The following FAM13A variants were observed in gnomAD, a reference collection of about 807,000 sequenced individuals.
The protein encoded by FAM13A is family with sequence similarity 13 member A.
In FAM13A, 76 loss-of-function variants were observed where a neutral mutation model predicts 129.6. That is an observed-to-expected ratio of 0.59 (90% CI 0.49 to 0.71). FAM13A has a LOEUF of 0.71. FAM13A is among the 30% of genes least tolerant of loss of function. The pLI is 0.00. For missense variants in FAM13A, 1,108 were observed against 1,249.3 expected, an observed-to-expected ratio of 0.89 and a Z score of 1.70; for synonymous variants, 443 against 449.9, an observed-to-expected ratio of 0.98 and a Z score of 0.20.
At chr4:88,737,021 A>G (rs556940685) in intron 21 of FAM13A, among the ~76,000 whole-genome samples, 31 of 152,324 alleles carry the variant, frequency 2.0e-4, no homozygotes, top group African/African-American at 6.7e-4. Flanking sequence ...GTTTATATAT[A>G]TATTTCCTAT....
At chr4:88,930,926 C>T (rs1165151376) in intron 5 of FAM13A, among the ~76,000 whole-genome samples, 1 of 152,134 alleles carries the variant, frequency 6.6e-6, no homozygotes, top group African/African-American at 2.4e-5. Context: ...CTTTCCTGTC[C>T]TTCCCATGGC....
At chr4:88,823,186 A>G (rs1041662719) in intron 7 of FAM13A, 51 of 1,456,600 alleles carry the variant, frequency 3.5e-5, no homozygotes, top group Middle Eastern at 1.9e-4. Context: ...TCAGCCTCCA[A>G]ACTTCTTCAG....
intron 4 of FAM13A, among the ~76,000 whole-genome samples, chr4:88,944,668 G>A (rs564280892): frequency 1.3e-5 from 2 of 152,260 alleles, no homozygotes; most frequent in East Asian, 3.9e-4. Context: ...TTGGGAGGCC[G>A]AGGCAGGTAG....
intron 5 of FAM13A, among the ~76,000 whole-genome samples, chr4:88,925,930 T>C (rs1752075593): frequency 6.6e-6 from 1 of 151,934 alleles, no homozygotes; most frequent in Non-Finnish European, 1.5e-5. Flanking sequence ...GAGGGGGTAG[T>C]ATTTGAGATG....
At chr4:88,981,635 G>A (rs773221621) in intron 4 of FAM13A, among the ~76,000 whole-genome samples, 1 of 152,164 alleles carries the variant, frequency 6.6e-6, no homozygotes, top group Non-Finnish European at 1.5e-5. Flanking sequence ...GTATTATTTT[G>A]ACAGCAGGGA....
chr4:89,000,664 T>C (rs1455342561), intron 3 of FAM13A, among the ~76,000 whole-genome samples: 1 of 152,154 alleles, frequency 6.6e-6, no homozygotes, highest in African/African-American at 2.4e-5. Context: ...TTTAAGAAGG[T>C]CAATTTATGG....
At chr4:89,056,635 T>C (rs1259694535) in intron 1 of FAM13A, among the ~76,000 whole-genome samples, 2 of 152,322 alleles carry the variant, frequency 1.3e-5, no homozygotes, top group East Asian at 1.9e-4. Flanking sequence ...TGTTTAACTA[T>C]TCAGGGACAA....
At chr4:88,731,295 G>A (rs751126519) in intron 23 of FAM13A, 32 bp downstream of exon 23, 2 of 1,225,588 alleles carry the variant, frequency 1.6e-6, no homozygotes, top group African/African-American at 1.5e-5. Flanking sequence ...TGCGGCGGGG[G>A]GGAAGGGAGG....
chr4:88,925,187 C>T (rs1015600712), intron 5 of FAM13A, among the ~76,000 whole-genome samples: 3 of 152,190 alleles, frequency 2.0e-5, no homozygotes, highest in African/African-American at 7.2e-5. Flanking sequence ...CCATTTGACC[C>T]AGCCATCCCA....
Position 88,973,003 on chromosome 4 carries a change from T to A in FAM13A, c.605+17970A>T, listed in dbSNP as rs183050635. 3.9e-5 allele frequency among the ~76,000 whole-genome samples: 6 copies of A among 152,356 alleles called. No homozygotes were observed. In the South Asian group the frequency reaches 1.2e-3, roughly 32 times the overall value. On this transcript the variant is annotated intron_variant, in intron 4 of 23. Coordinates refer to ENST00000264344, the MANE Select transcript of FAM13A (RefSeq NM_014883.4). ...ATATTTTATCCACACTCTTCTTGCA[T>A]GCATTGTTTCAGAGAAGTCAGATGT...
chr4:88,858,145 C>T (rs190066372), intron 6 of FAM13A, among the ~76,000 whole-genome samples: 1 of 152,270 alleles, frequency 6.6e-6, no homozygotes, highest in Admixed American at 6.5e-5. Flanking sequence ...AACTATATGG[C>T]CCCATGGTAG....
In FAM13A at chr4:89,057,038, T is replaced by G. The variant is rs1772279675; in HGVS notation, c.-74A>C. The G allele has an allele frequency of 6.2e-7, 1 of 1,602,484 alleles. No homozygotes were observed. Among genetic ancestry groups the G allele is most frequent in the Admixed American group, 1.7e-5 (1 of 57,192 alleles). On this transcript the variant is annotated 5_prime_UTR_variant, in exon 1 of 24. Transcript: ENST00000264344. ...TAAAACGACAGCAAAATACTAAAAT[T>G]CCATTCAGCACATATTCTTTGATGT...
chr4:89,012,949 T>C (rs1765924052), intron 3 of FAM13A, among the ~76,000 whole-genome samples: 1 of 152,172 alleles, frequency 6.6e-6, no homozygotes, highest in Non-Finnish European at 1.5e-5. Context: ...GATGGATTTA[T>C]GAAAGCAGGG....
At chr4:88,948,593 A>G (rs1403055467) in intron 4 of FAM13A, among the ~76,000 whole-genome samples, 2 of 152,026 alleles carry the variant, frequency 1.3e-5, no homozygotes, top group Non-Finnish European at 1.5e-5. Flanking sequence ...GGTTCAAGCA[A>G]TTCTCCCGCC....
At position 88,991,055 on chromosome 4, in the gene FAM13A, A is replaced by G. The variant is rs1282375149; in HGVS notation, c.523T>C (p.Leu175=). 1 of 1,614,070 alleles carries G rather than the reference A, an allele frequency of 6.2e-7. No homozygotes were observed. The highest frequency in any genetic ancestry group is 1.1e-5 in the South Asian group (1 of 91,082). ...ACATGATGCTTGGCTACTTTTGTCA[A>G]GAACTGGCAAAGGTACTTGAGGAGG... is the stretch of plus-strand genomic sequence containing the variant. ...YCLLKYLCQF[L]TKVAKHHVQN... Residue 175 remains leucine, a synonymous_variant, in exon 4 of 24, where the codon TTG becomes CTG. Transcript: ENST00000264344.
At chr4:88,975,302 G>A (rs182239725) in intron 4 of FAM13A, among the ~76,000 whole-genome samples, 130 of 152,276 alleles carry the variant, frequency 8.5e-4, no homozygotes, top group African/African-American at 3.0e-3. Context: ...GTAGAAGGTA[G>A]ACACAGGGTT....
At chr4:88,733,489 A>G (rs905321516) in intron 21 of FAM13A, among the ~76,000 whole-genome samples, 2 of 152,218 alleles carry the variant, frequency 1.3e-5, no homozygotes, top group African/African-American at 2.4e-5. Context: ...AGTAAGAGTA[A>G]TAACAATTCC....
intron 4 of FAM13A, among the ~76,000 whole-genome samples, chr4:88,945,062 C>T (rs568568610): frequency 6.6e-6 from 1 of 152,256 alleles, no homozygotes; most frequent in African/African-American, 2.4e-5. Flanking sequence ...TAGTCTTACC[C>T]TGATTATCTT....
intron 7 of FAM13A, among the ~76,000 whole-genome samples, chr4:88,826,854 G>C (rs901757684): frequency 2.0e-5 from 3 of 152,030 alleles, no homozygotes; most frequent in African/African-American, 7.3e-5. Flanking sequence ...AAGAAGCCTG[G>C]TCTCTCCTAC....
Sources: allele counts gnomAD v4.1 joint callset (sites outside exome capture counted in the v4.1 genomes callset), GRCh38; gene constraint gnomAD v4.1.1; transcripts MANE v1.5; gene names NCBI Gene and HGNC (gene_info 2026-07-23, HGNC 2026-07-21).